Variants in NARS2 observed in about 807,000 individuals in gnomAD.
The protein encoded by NARS2 is asparaginyl-tRNA synthetase.
Under a neutral mutation model 62.9 loss-of-function variants are expected in NARS2, and 60 were observed. The ratio of observed to expected loss-of-function variants is 0.95; its 90% CI spans 0.77 to 1.18. NARS2 has a LOEUF of 1.18. NARS2 is among the 50% of genes most tolerant of loss of function. The pLI is 0.00. For missense variants in NARS2, 619 were observed against 576.4 expected (o/e 1.07, Z -0.76); for synonymous variants, 196 against 200.0 (o/e 0.98, Z 0.17).
chr11:78,513,565 G>C (rs1247021145), intron 6 of NARS2, among the ~76,000 whole-genome samples: 1 of 152,074 alleles, frequency 6.6e-6, no homozygotes, highest in Non-Finnish European at 1.5e-5. Context: ...ATCACCTGAG[G>C]TTAGGAGTTT....
chr11:78,486,177 T>C (rs1859566054), intron 7 of NARS2, among the ~76,000 whole-genome samples: 1 of 152,050 alleles, frequency 6.6e-6, no homozygotes, highest in Admixed American at 6.6e-5. Flanking sequence ...ACCCAGCCTA[T>C]TATTTTTTTT....
At chr11:78,529,419 A>C (rs1861403878) in intron 5 of NARS2, among the ~76,000 whole-genome samples, 1 of 152,218 alleles carries the variant, frequency 6.6e-6, no homozygotes, top group Non-Finnish European at 1.5e-5. Flanking sequence ...GAACTTTCAA[A>C]AACAGTATTT....
At chr11:78,451,103 C>T (rs1057184658) in intron 11 of NARS2, among the ~76,000 whole-genome samples, 1 of 152,174 alleles carries the variant, frequency 6.6e-6, no homozygotes, top group Non-Finnish European at 1.5e-5. Flanking sequence ...TATCCTCCTA[C>T]CTAGCTAAAG....
At chr11:78,562,273 A>T (rs868252586) in intron 4 of NARS2, among the ~76,000 whole-genome samples, 2 of 151,626 alleles carry the variant, frequency 1.3e-5, no homozygotes, top group Non-Finnish European at 2.9e-5. Flanking sequence ...AAAATACATT[A>T]AAAAAAACGA....
At chr11:78,438,566 G>A (rs954499925) in intron 13 of NARS2, among the ~76,000 whole-genome samples, 3 of 152,190 alleles carry the variant, frequency 2.0e-5, no homozygotes, top group Non-Finnish European at 4.4e-5. Context: ...ACTGTCAGCA[G>A]AGGGGTTCAG....
At chr11:78,486,998 G>C (rs181370165) in intron 7 of NARS2, among the ~76,000 whole-genome samples, 1 of 152,206 alleles carries the variant, frequency 6.6e-6, no homozygotes, top group East Asian at 1.9e-4. Flanking sequence ...GAAGACAAAA[G>C]AAGAAAGAAT....
intron 4 of NARS2, among the ~76,000 whole-genome samples, chr11:78,559,936 A>G (rs574745610): frequency 2.6e-5 from 4 of 152,238 alleles, no homozygotes; most frequent in Admixed American, 1.3e-4. Flanking sequence ...AGCCAGGACT[A>G]GAACCTAGGT....
intron 7 of NARS2, among the ~76,000 whole-genome samples, chr11:78,485,455 G>A (rs1338262603): frequency 6.6e-6 from 1 of 152,036 alleles, no homozygotes; most frequent in Non-Finnish European, 1.5e-5. Flanking sequence ...TAAGGACTCA[G>A]AAAAATAAAC....
chr11:78,530,497 A>G (rs755632228), intron 5 of NARS2, among the ~76,000 whole-genome samples: 3 of 152,164 alleles, frequency 2.0e-5, no homozygotes, highest in Non-Finnish European at 2.9e-5. Flanking sequence ...TTTTTGAGAC[A>G]GAGTCTCACA....
rs372312973 is a variant in NARS2 at position 78,574,790 on chromosome 11, G to C, written c.-302C>G. 5.6e-6 allele frequency: 2 copies of C among 356,352 alleles called. No individual in the cohort carries two copies. The highest frequency in any genetic ancestry group is 4.2e-5 in the South Asian group (1 of 23,810). The allele number at this position is 356,352 out of a possible 1,614,324, so 22.1% of individuals were successfully genotyped here. A position where few individuals can be genotyped will look rare whatever the true frequency, so the allele number is the denominator to read the frequency against. ...CTACCCGCGACAATTGTAAACCTACGAACAGAACCCGGGCCGCAACACGCG... is the reference window on the plus strand; with the variant it reads ...CTACCCGCGACAATTGTAAACCTACCAACAGAACCCGGGCCGCAACACGCG... On this transcript the variant is annotated 5_prime_UTR_variant, in exon 1 of 14. Transcript: ENST00000281038.
intron 7 of NARS2, among the ~76,000 whole-genome samples, chr11:78,487,011 G>C (rs551112994): frequency 2.0e-5 from 3 of 152,120 alleles, no homozygotes; most frequent in South Asian, 2.1e-4. Flanking sequence ...GAAAGAATTA[G>C]TAAGTTTGAA....
chr11:78,558,943 C>T (rs928250138), intron 5 of NARS2, among the ~76,000 whole-genome samples: 2 of 152,050 alleles, frequency 1.3e-5, no homozygotes. Flanking sequence ...TCCTCATTTG[C>T]CTCTTCAAAT....
chr11:78,539,201 G>A (rs537037446), intron 5 of NARS2, among the ~76,000 whole-genome samples: 3 of 151,632 alleles, frequency 2.0e-5, no homozygotes, highest in Admixed American at 2.0e-4. Flanking sequence ...ATAATAAAGG[G>A]ATAAGAGTAG....
At position 78,523,898 on chromosome 11, in the gene NARS2, G is replaced by A. The variant is rs116419477; in HGVS notation, c.689+4944C>T. Among the ~76,000 whole-genome samples, 896 of 152,194 alleles carry A rather than the reference G, an allele frequency of 5.9e-3. 7 individuals carry two copies. Among genetic ancestry groups the A allele is most frequent in the African/African-American group, 0.02 (847 of 41,548 alleles). ...ACCTTAAAATTATAAATATTGGAAA[G>A]TATTCTAAAATTATGTCAGTGATAC... On this transcript the variant is annotated intron_variant, in intron 6 of 13. Transcript: ENST00000281038.
chr11:78,562,913 G>C (rs955734808), intron 4 of NARS2, among the ~76,000 whole-genome samples: 1 of 151,960 alleles, frequency 6.6e-6, no homozygotes, highest in Non-Finnish European at 1.5e-5. Context: ...TTTTTATTTG[G>C]AGGCTTAACA....
intron 6 of NARS2, among the ~76,000 whole-genome samples, chr11:78,506,837 C>A (rs1450318894): frequency 6.6e-6 from 1 of 152,192 alleles, no homozygotes; most frequent in Non-Finnish European, 1.5e-5. Context: ...CTGCACTTGG[C>A]CTGATGTAAC....
intron 11 of NARS2, among the ~76,000 whole-genome samples, chr11:78,461,810 G>A (rs7925298): frequency 0.21 from 31,909 of 149,460 alleles, 3,812 homozygotes; most frequent in East Asian, 0.42. Flanking sequence ...AAAATTAGCC[G>A]GGTGTGGTGG....
At chr11:78,571,262 TG>T in intron 2 of NARS2, 72 bp downstream of exon 2, 2 of 890,812 alleles carry the variant, frequency 2.2e-6, no homozygotes, top group Non-Finnish European at 3.7e-6. Context: ...ACGTAAACAC[TG>T]GAGTAGGGAA....
At chr11:78,438,076 A>C (rs1329927427) in intron 13 of NARS2, among the ~76,000 whole-genome samples, 1 of 152,078 alleles carries the variant, frequency 6.6e-6, no homozygotes. Flanking sequence ...AGACGTAAGC[A>C]ACATAACTTG....
Sources: allele counts gnomAD v4.1 joint callset (sites outside exome capture counted in the v4.1 genomes callset), GRCh38; gene constraint gnomAD v4.1.1; transcripts MANE v1.5; gene names NCBI Gene and HGNC (gene_info 2026-07-23, HGNC 2026-07-21).